The following CCDC66 variants were observed in gnomAD, a reference collection of about 807,000 sequenced individuals.
The protein encoded by CCDC66 is coiled-coil domain containing 66.
A neutral mutation model predicts 128.3 loss-of-function variants in CCDC66; 133 were observed. That is an observed-to-expected ratio of 1.04 (90% CI 0.90 to 1.20). The LOEUF is 1.20. Ranked by LOEUF, CCDC66 falls within the 50% of genes most tolerant of loss-of-function variation. The pLI is 0.00. For synonymous variants in CCDC66, 387 were observed against 357.0 expected, an observed-to-expected ratio of 1.08 and a Z score of -0.95; for missense variants, 1,126 against 1,075.5, an observed-to-expected ratio of 1.05 and a Z score of -0.66.
intron 6 of CCDC66, among the ~76,000 whole-genome samples, chr3:56,568,152 A>AT (rs1432340416): frequency 6.6e-6 from 1 of 152,128 alleles, no homozygotes; most frequent in Non-Finnish European, 1.5e-5. Context: ...GTCATTGCAG[A>AT]TTTTCTCTAC....
Position 56,616,044 on chromosome 3 carries a change from G to A in CCDC66, c.1834G>A (p.Val612Met). ...TACGACTTCTAAGAAGGATACTGGT[G>A]TGCAAACAGGTATTTGTGTGGAAAT... ...NSTTSKKDTGVQTDDLNIGIF... is the reference protein window; with the variant it reads ...NSTTSKKDTGMQTDDLNIGIF... Residue 612 changes from valine to methionine, a missense_variant, in exon 13 of 18, where the codon GTG (valine) becomes ATG (methionine). Val to Met is a conservative substitution (Grantham distance 21). Transcript: ENST00000394672. 3 of 1,585,794 alleles carry A rather than the reference G, an allele frequency of 1.9e-6. No homozygotes were observed. The highest frequency in any genetic ancestry group is 2.6e-6 in the Non-Finnish European group (3 of 1,168,686).
chr3:56,566,148 C>G (rs1031888748), intron 4 of CCDC66, among the ~76,000 whole-genome samples: 15 of 43,640 alleles, frequency 3.4e-4, no homozygotes, highest in Non-Finnish European at 1.1e-3. Context: ...TTTTTTGAGA[C>G]GACATCTGGC....
At chr3:56,604,253 A>T (rs2073716394) in intron 10 of CCDC66, among the ~76,000 whole-genome samples, 1 of 151,980 alleles carries the variant, frequency 6.6e-6, no homozygotes, top group Non-Finnish European at 1.5e-5. Flanking sequence ...GTGTCTTTTA[A>T]TTGGGACATT....
At chr3:56,576,042 G>A (rs1024892257) in intron 7 of CCDC66, among the ~76,000 whole-genome samples, 1 of 151,008 alleles carries the variant, frequency 6.6e-6, no homozygotes, top group Non-Finnish European at 1.5e-5. Context: ...TTTTAGGATG[G>A]ATTTTTCTAT....
intron 17 of CCDC66, chr3:56,620,679 T>C (rs2076346506): frequency 1.3e-5 from 2 of 152,180 alleles, no homozygotes; most frequent in Non-Finnish European, 2.9e-5. Flanking sequence ...GAGTTTTACA[T>C]AAGTTATTTC....
At chr3:56,600,616 A>G (rs560631783) in intron 10 of CCDC66, among the ~76,000 whole-genome samples, 5 of 152,030 alleles carry the variant, frequency 3.3e-5, no homozygotes, top group Admixed American at 6.5e-5. Flanking sequence ...AAGCGTTCCT[A>G]TTTCACCACA....
At chr3:56,570,963 A>C (rs758398387) in intron 6 of CCDC66, among the ~76,000 whole-genome samples, 1 of 152,242 alleles carries the variant, frequency 6.6e-6, no homozygotes, top group Non-Finnish European at 1.5e-5. Flanking sequence ...GGTAATTGTG[A>C]TAATAAAATT....
At chr3:56,617,906 C>A (rs2075722821) in intron 14 of CCDC66, 1 of 569,442 alleles carries the variant, frequency 1.8e-6, no homozygotes, top group Non-Finnish European at 3.1e-6. Context: ...TTTACACTTA[C>A]ACAACTTCTG....
At chr3:56,572,153 C>T (rs1320629792) in intron 7 of CCDC66, among the ~76,000 whole-genome samples, 1 of 152,150 alleles carries the variant, frequency 6.6e-6, no homozygotes, top group East Asian at 1.9e-4. Flanking sequence ...TATAAAGGAG[C>T]TGTGCAATTT....
intron 7 of CCDC66, among the ~76,000 whole-genome samples, chr3:56,582,827 CTTT>C (rs888417053): frequency 6.9e-6 from 1 of 144,702 alleles, no homozygotes; most frequent in Non-Finnish European, 1.5e-5. Context: ...ATATCTTTCC[CTTT>C]TTTGACTTCT....
At chr3:56,581,909 C>T (rs560364461) in intron 7 of CCDC66, among the ~76,000 whole-genome samples, 1 of 152,022 alleles carries the variant, frequency 6.6e-6, no homozygotes, top group Non-Finnish European at 1.5e-5. Flanking sequence ...ATCTCAAACT[C>T]TGTGCTGGGA....
intron 10 of CCDC66, among the ~76,000 whole-genome samples, chr3:56,604,878 C>G (rs62256017): frequency 0.049 from 7,513 of 152,116 alleles, 214 homozygotes; most frequent in East Asian, 0.091. Flanking sequence ...CAACTTGGTT[C>G]CATTCTCCCT....
upstream of CCDC66, chr3:56,557,162 CG>C: frequency 6.5e-7 from 1 of 1,536,956 alleles, no homozygotes; most frequent in Non-Finnish European, 8.8e-7. Flanking sequence ...ATCCAATTGG[CG>C]TAGCGCTTGC....
intron 10 of CCDC66, among the ~76,000 whole-genome samples, chr3:56,611,978 C>A (rs2074892698): frequency 6.6e-6 from 1 of 152,178 alleles, no homozygotes; most frequent in African/African-American, 2.4e-5. Flanking sequence ...TTCAGAGGGT[C>A]CTCTAAGGAT....
At chr3:56,584,111 T>G (rs1231875764) in intron 7 of CCDC66, among the ~76,000 whole-genome samples, 2 of 135,936 alleles carry the variant, frequency 1.5e-5, no homozygotes, top group African/African-American at 2.8e-5. Flanking sequence ...GGGCGGGGGC[T>G]GCCCCCCACC....
In CCDC66 at chr3:56,588,310, T is replaced by TG. The variant is rs1169696014; in HGVS notation, c.937-4657dup. On this transcript the variant is annotated intron_variant, in intron 7 of 17. Transcript: ENST00000394672. ...ACTTTGAGGACTTATGGAGAAAGGC[T>TG]GGGAGGGGGCTGAGGGATAAAAGAC... Among the ~76,000 whole-genome samples, 5 of 152,284 alleles carry TG rather than the reference T, an allele frequency of 3.3e-5. No homozygotes were observed. The East Asian group carries it at 7.7e-4, about 24-fold the overall frequency.
intron 7 of CCDC66, among the ~76,000 whole-genome samples, chr3:56,591,006 C>T (rs2070790222): frequency 6.6e-6 from 1 of 152,182 alleles, no homozygotes; most frequent in African/African-American, 2.4e-5. Context: ...TAAATGCATG[C>T]AGTAAACCAA....
intron 10 of CCDC66, among the ~76,000 whole-genome samples, chr3:56,600,020 T>G (rs2072868737): frequency 6.6e-6 from 1 of 152,082 alleles, no homozygotes; most frequent in Non-Finnish European, 1.5e-5. Flanking sequence ...CTCATCCTTT[T>G]TTATGGCTGC....
chr3:56,610,278 C>G (rs2074611565), intron 10 of CCDC66, among the ~76,000 whole-genome samples: 1 of 152,162 alleles, frequency 6.6e-6, no homozygotes, highest in South Asian at 2.1e-4. Context: ...ATTGCTGAGA[C>G]TTTCCAGAGC....
Sources: allele counts gnomAD v4.1 joint callset (sites outside exome capture counted in the v4.1 genomes callset), GRCh38; gene constraint gnomAD v4.1.1; transcripts MANE v1.5; gene names NCBI Gene and HGNC (gene_info 2026-07-23, HGNC 2026-07-21).